The following FBXL17 variants were observed in gnomAD, a reference collection of about 807,000 sequenced individuals.
FBXL17 encodes the protein F-box and leucine rich repeat protein 17.
Under a neutral mutation model 66.2 loss-of-function variants are expected in FBXL17, and 22 were observed. The ratio of observed to expected loss-of-function variants is 0.33; its 90% CI spans 0.24 to 0.47. The LOEUF (loss-of-function observed/expected upper bound fraction) is 0.47, where lower values mean the gene tolerates loss of function less well. Ranked by LOEUF, FBXL17 falls within the 20% of genes least tolerant of loss-of-function variation. The pLI is 1.00. For synonymous variants in FBXL17, 474 were observed against 400.5 expected (o/e 1.18, Z -2.19); for missense variants, 878 against 948.2 (o/e 0.93, Z 0.97).
chr5:108,073,524 T>TA (rs1008807341), intron 6 of FBXL17, among the ~76,000 whole-genome samples: 12 of 151,750 alleles, frequency 7.9e-5, no homozygotes, highest in Middle Eastern at 3.4e-3. Flanking sequence ...TAACCAAAAC[T>TA]AAAAAACTAG....
rs182393791 is a variant in FBXL17 at position 108,379,364 on chromosome 5, A to T, written c.993+1335T>A. On this transcript the variant is annotated intron_variant, in intron 1 of 8. Transcript: ENST00000542267. ...GACTCAAGAAAGTTCCCTTTGTCCT[A>T]AAATGCACCTCTGCACACAAAGAGT... Among the ~76,000 whole-genome samples, 15 of 152,276 alleles carry T rather than the reference A, an allele frequency of 9.9e-5. No individual in the cohort carries two copies. In the East Asian group the frequency reaches 2.9e-3, roughly 29 times the overall value.
chr5:108,070,408 G>A (rs1748282864), intron 6 of FBXL17, among the ~76,000 whole-genome samples: 1 of 152,160 alleles, frequency 6.6e-6, no homozygotes, highest in African/African-American at 2.4e-5. Context: ...AAGACCTTTT[G>A]ATAATACCAT....
At position 107,880,969 on chromosome 5, in the gene FBXL17, G is replaced by A. The variant is rs545791517; in HGVS notation, c.1965+68C>T. 3.7e-6 allele frequency: 6 copies of A among 1,612,638 alleles called. No individual in the cohort carries two copies. In the East Asian group the frequency reaches 1.1e-4, roughly 30 times the overall value. ...GGGGGTGGAGATAGAGAAGGAGAGA[G>A]GATATGACATCAAGCTATTAACTAT... On this transcript the variant is annotated intron_variant, in intron 8 of 8. Coordinates refer to ENST00000542267, the MANE Select transcript of FBXL17 (RefSeq NM_001163315.3).
chr5:108,116,914 G>A (rs978959581), intron 6 of FBXL17, among the ~76,000 whole-genome samples: 1 of 151,908 alleles, frequency 6.6e-6, no homozygotes, highest in African/African-American at 2.4e-5. Context: ...ATCAGAAAAG[G>A]GGAGAGAATA....
chr5:108,238,055 C>A (rs1356796119), intron 4 of FBXL17, among the ~76,000 whole-genome samples: 1 of 152,142 alleles, frequency 6.6e-6, no homozygotes, highest in Non-Finnish European at 1.5e-5. Context: ...ACATCTTTTA[C>A]AGGGTACAGT....
At chr5:108,301,496 G>A (rs1758586035) in intron 4 of FBXL17, among the ~76,000 whole-genome samples, 1 of 151,514 alleles carries the variant, frequency 6.6e-6, no homozygotes, top group South Asian at 2.1e-4. Flanking sequence ...CATTTCTAAT[G>A]GGGAAAAAAA....
intron 6 of FBXL17, among the ~76,000 whole-genome samples, chr5:108,090,437 T>G (rs1469251146): frequency 1.3e-5 from 2 of 152,176 alleles, no homozygotes; most frequent in African/African-American, 4.8e-5. Flanking sequence ...TCCCCCCTTT[T>G]TTTCCACCAT....
At chr5:108,322,459 T>A (rs924106831) in intron 4 of FBXL17, among the ~76,000 whole-genome samples, 1 of 151,976 alleles carries the variant, frequency 6.6e-6, no homozygotes, top group Admixed American at 6.6e-5. Context: ...GTAAATATCA[T>A]CCTGTTCTTT....
intron 8 of FBXL17, 94 bp downstream of exon 8, chr5:107,880,943 C>G (rs759423919): frequency 6.2e-6 from 10 of 1,601,970 alleles, no homozygotes; most frequent in Admixed American, 3.3e-5. Context: ...ATATAATACA[C>G]GGGGGTGGAG....
intron 7 of FBXL17, among the ~76,000 whole-genome samples, chr5:107,912,195 T>G (rs1561527457): frequency 6.6e-6 from 1 of 152,102 alleles, no homozygotes; most frequent in Non-Finnish European, 1.5e-5. Context: ...GCTTACCTTG[T>G]GCCAAGCATG....
chr5:108,115,647 A>C (rs1750221296), intron 6 of FBXL17, among the ~76,000 whole-genome samples: 1 of 152,144 alleles, frequency 6.6e-6, no homozygotes, highest in South Asian at 2.1e-4. Context: ...AAGAAGAGTA[A>C]AATCTCCCAG....
At chr5:107,962,541 C>T (rs958702736) in intron 7 of FBXL17, among the ~76,000 whole-genome samples, 3 of 152,082 alleles carry the variant, frequency 2.0e-5, no homozygotes, top group Non-Finnish European at 4.4e-5. Flanking sequence ...AAAAAACATA[C>T]ATGGATATTA....
intron 7 of FBXL17, among the ~76,000 whole-genome samples, chr5:107,963,354 T>A (rs1751992256): frequency 6.6e-6 from 1 of 152,120 alleles, no homozygotes; most frequent in African/African-American, 2.4e-5. Flanking sequence ...AAACTCTGTG[T>A]GTGTGTATGT....
chr5:108,119,032 G>C (rs1327324201), intron 6 of FBXL17, among the ~76,000 whole-genome samples: 2 of 152,004 alleles, frequency 1.3e-5, no homozygotes, highest in African/African-American at 4.8e-5. Flanking sequence ...ATATGCAAAA[G>C]GCACTCATTT....
At chr5:107,949,933 A>T (rs1751442940) in intron 7 of FBXL17, among the ~76,000 whole-genome samples, 1 of 152,174 alleles carries the variant, frequency 6.6e-6, no homozygotes, top group African/African-American at 2.4e-5. Context: ...TCTAAACCAG[A>T]TGATTTGTGA....
At chr5:107,947,113 A>G (rs1368970323) in intron 7 of FBXL17, among the ~76,000 whole-genome samples, 1 of 152,178 alleles carries the variant, frequency 6.6e-6, no homozygotes, top group Non-Finnish European at 1.5e-5. Context: ...TTCTAATCAC[A>G]CCAACATGAC....
intron 4 of FBXL17, among the ~76,000 whole-genome samples, chr5:108,300,954 T>C (rs1192506376): frequency 1.3e-5 from 2 of 151,788 alleles, no homozygotes; most frequent in Admixed American, 1.3e-4. Context: ...TAGTTTAAAA[T>C]GCAGTCTATA....
intron 6 of FBXL17, among the ~76,000 whole-genome samples, chr5:108,137,387 T>C (rs1338492675): frequency 6.6e-6 from 1 of 152,150 alleles, no homozygotes; most frequent in Non-Finnish European, 1.5e-5. Context: ...TCCTCCCTGA[T>C]CTCTGCCTCT....
intron 4 of FBXL17, among the ~76,000 whole-genome samples, chr5:108,289,223 G>A (rs527595724): frequency 6.6e-6 from 1 of 152,204 alleles, no homozygotes; most frequent in South Asian, 2.1e-4. Context: ...GTACATGCTT[G>A]ATAATGTGTT....
Sources: gnomAD v4.1 joint callset for allele counts (sites outside exome capture counted in the v4.1 genomes callset) on GRCh38, gnomAD v4.1.1 for gene constraint, MANE v1.5 for transcripts, NCBI Gene and HGNC (gene_info 2026-07-23, HGNC 2026-07-21) for gene names.